SHISAL2B: variants seen among roughly 807,000 people sequenced by gnomAD.
SHISAL2B encodes shisa like 2B.
In SHISAL2B, 12 loss-of-function variants were observed where a neutral mutation model predicts 16.5. The observed-to-expected ratio is 0.73, with a 90% CI of 0.47 to 1.18. The LOEUF is 1.18. Ranked by LOEUF, SHISAL2B falls within the 50% of genes most tolerant of loss-of-function variation. The pLI, the probability that SHISAL2B is intolerant of heterozygous loss-of-function variation, is 0.00. For synonymous variants in SHISAL2B, 72 were observed against 75.0 expected, an observed-to-expected ratio of 0.96 and a Z score of 0.21; for missense variants, 183 against 193.6, an observed-to-expected ratio of 0.95 and a Z score of 0.33.
chr5:64,700,486 C>T (rs926591492), intron 2 of SHISAL2B, among the ~76,000 whole-genome samples: 6 of 152,182 alleles, frequency 3.9e-5, no homozygotes, highest in African/African-American at 1.4e-4. Context: ...TCTTGGCTCA[C>T]TGCAACCTCT....
intron 2 of SHISAL2B, among the ~76,000 whole-genome samples, chr5:64,712,134 G>A (rs1741967791): frequency 7.7e-6 from 1 of 129,530 alleles, no homozygotes; most frequent in Admixed American, 7.9e-5. Context: ...TGATGTTAGG[G>A]TGTCAATTTT....
At chr5:64,696,688 G>A (rs1741741369) in intron 2 of SHISAL2B, among the ~76,000 whole-genome samples, 1 of 152,048 alleles carries the variant, frequency 6.6e-6, no homozygotes, top group African/African-American at 2.4e-5. Context: ...GGCTTATTAG[G>A]GTGAGGAAAA....
Position 64,717,908 on chromosome 5 carries a change from CA to C in SHISAL2B, c.372del (p.Ala125ProfsTer21), listed in dbSNP as rs1225317045. ...TQEGKSNGKT[K>X]ALNSNAASNA... Reference sequence around the variant, plus strand: ...CTGCAGGCAAGTCAAATGGAAAAACCAAAGCCCTCAATTCAAATGCAGCATC... The same window carrying C: ...CTGCAGGCAAGTCAAATGGAAAAACCAAGCCCTCAATTCAAATGCAGCATC... On this transcript the variant is annotated frameshift_variant, in exon 3 of 3. Transcript: ENST00000389074. LOFTEE classifies it high-confidence loss of function. 1 of 1,512,842 alleles carries C rather than the reference CA, an allele frequency of 6.6e-7. No homozygotes were observed. The highest frequency in any genetic ancestry group is 1.3e-5 in the South Asian group (1 of 78,224). The allele number at this position is 1,512,842 out of a possible 1,614,324, so 93.7% of individuals were successfully genotyped here. A position where few individuals can be genotyped will look rare whatever the true frequency, so the allele number is the denominator to read the frequency against.
At chr5:64,709,829 A>C (rs1741932937) in intron 2 of SHISAL2B, among the ~76,000 whole-genome samples, 1 of 152,066 alleles carries the variant, frequency 6.6e-6, no homozygotes, top group East Asian at 1.9e-4. Flanking sequence ...TGGCTGCATA[A>C]ATGTCTTCTT....
intron 1 of SHISAL2B, 61 bp downstream of exon 1, chr5:64,690,875 C>A: frequency 7.2e-7 from 1 of 1,393,170 alleles, no homozygotes; most frequent in Non-Finnish European, 9.5e-7. Flanking sequence ...AGGCGACAAG[C>A]GGAGCCACGC....
intron 2 of SHISAL2B, among the ~76,000 whole-genome samples, chr5:64,702,257 A>G (rs1197375381): frequency 6.6e-6 from 1 of 151,910 alleles, no homozygotes; most frequent in Non-Finnish European, 1.5e-5. Flanking sequence ...CTGGAGTGCA[A>G]TGGTATGATC....
chr5:64,692,848 C>A (rs1741670326), intron 1 of SHISAL2B, among the ~76,000 whole-genome samples: 1 of 152,184 alleles, frequency 6.6e-6, no homozygotes. Flanking sequence ...TCCTTGGTAA[C>A]CTTCTCCAGG....
At chr5:64,695,399 G>T in intron 1 of SHISAL2B, 108 bp from the exon 2 acceptor site, 2 of 684,486 alleles carry the variant, frequency 2.9e-6, no homozygotes, top group Non-Finnish European at 2.2e-6. Context: ...ATACAATTTG[G>T]TTATGAATAA....
At chr5:64,693,229 A>G (rs275825) in intron 1 of SHISAL2B, among the ~76,000 whole-genome samples, 25,938 of 151,816 alleles carry the variant, frequency 0.17, 2,630 homozygotes, top group Non-Finnish European at 0.23. Context: ...GGATGGTCTC[A>G]ATCTCCTGAC....
intron 2 of SHISAL2B, among the ~76,000 whole-genome samples, chr5:64,706,165 A>G (rs566253657): frequency 3.5e-4 from 54 of 152,346 alleles, no homozygotes; most frequent in Non-Finnish European, 8.8e-5. Context: ...TCTTAAACAC[A>G]CAAACAAAAT....
At chr5:64,707,917 A>C (rs1741896235) in intron 2 of SHISAL2B, among the ~76,000 whole-genome samples, 1 of 152,154 alleles carries the variant, frequency 6.6e-6, no homozygotes, top group South Asian at 2.1e-4. Context: ...CTAATGTCAC[A>C]ATTTCCAAAG....
chr5:64,709,885 TG>T (rs1294823193), intron 2 of SHISAL2B, among the ~76,000 whole-genome samples: 5 of 152,158 alleles, frequency 3.3e-5, no homozygotes, highest in African/African-American at 1.2e-4. Flanking sequence ...TTGATGGGGT[TG>T]TTTTTTTTCT....
chr5:64,708,236 A>T (rs1175691542), intron 2 of SHISAL2B, among the ~76,000 whole-genome samples: 1 of 152,216 alleles, frequency 6.6e-6, no homozygotes, highest in East Asian at 1.9e-4. Flanking sequence ...TGCTTCCTGT[A>T]TGATTTCTAT....
intron 2 of SHISAL2B, among the ~76,000 whole-genome samples, chr5:64,707,302 A>G (rs964221803): frequency 1.3e-5 from 2 of 152,098 alleles, no homozygotes; most frequent in Non-Finnish European, 2.9e-5. Context: ...GTATCCTCAA[A>G]TACCTATGAG....
intron 2 of SHISAL2B, among the ~76,000 whole-genome samples, chr5:64,709,592 A>G (rs1741925930): frequency 2.6e-5 from 4 of 151,368 alleles, no homozygotes; most frequent in African/African-American, 9.8e-5. Flanking sequence ...TTCTAGTTCT[A>G]GATCCCTGAG....
intron 2 of SHISAL2B, among the ~76,000 whole-genome samples, chr5:64,709,800 A>AT (rs1207123539): frequency 2.0e-5 from 3 of 151,686 alleles, no homozygotes; most frequent in Non-Finnish European, 4.4e-5. Flanking sequence ...GATGATGAGC[A>AT]TTTTTTTCAT....
chr5:64,693,951 G>T (rs1191008055), intron 1 of SHISAL2B: 1 of 355,646 alleles, frequency 2.8e-6, no homozygotes, highest in Non-Finnish European at 5.5e-6. Flanking sequence ...CTTTGCAGGG[G>T]TGCTCTACCT....
chr5:64,712,730 G>T (rs1402102269), intron 2 of SHISAL2B, among the ~76,000 whole-genome samples: 1 of 152,050 alleles, frequency 6.6e-6, no homozygotes, highest in Admixed American at 6.5e-5. Flanking sequence ...CTCCTGTATT[G>T]GGTGCATATA....
intron 2 of SHISAL2B, among the ~76,000 whole-genome samples, chr5:64,705,369 A>C (rs1056809563): frequency 6.6e-6 from 1 of 152,172 alleles, no homozygotes; most frequent in Non-Finnish European, 1.5e-5. Flanking sequence ...TAAAAAACCC[A>C]AAAACCCCAA....
Sources: allele counts gnomAD v4.1 joint callset (sites outside exome capture counted in the v4.1 genomes callset), GRCh38; gene constraint gnomAD v4.1.1; transcripts MANE v1.5; gene names NCBI Gene and HGNC (gene_info 2026-07-23, HGNC 2026-07-21).